Variants in GPR135 observed in about 807,000 individuals in gnomAD.
The protein encoded by GPR135 is G-protein coupled receptor 135.
A neutral mutation model predicts 15.0 loss-of-function variants in GPR135; 17 were observed. The ratio of observed to expected loss-of-function variants is 1.13; its 90% CI spans 0.78 to 1.70. The LOEUF is 1.70. Ranked by LOEUF, GPR135 falls within the 40% of genes most tolerant of loss-of-function variation. The pLI is 0.00. For missense variants in GPR135, 776 were observed against 727.0 expected, an observed-to-expected ratio of 1.07 and a Z score of -0.78; for synonymous variants, 368 against 349.4, an observed-to-expected ratio of 1.05 and a Z score of -0.59.
chr14:59,463,696 A>T lies in GPR135; in HGVS notation c.*46T>A. The T allele has an allele frequency of 6.7e-7, 1 of 1,496,120 alleles. No individual in the cohort carries two copies. The highest frequency in any genetic ancestry group is 9.0e-7 in the Non-Finnish European group (1 of 1,113,206). The allele number at this position is 1,496,120 out of a possible 1,614,324, so 92.7% of individuals were successfully genotyped here. A position where few individuals can be genotyped will look rare whatever the true frequency, so the allele number is the denominator to read the frequency against. The stretch of plus-strand genomic sequence containing the variant: ...CCCCCAGAATCTTCCATCATTAAAT[A>T]ATGCGAGTGGAAATTTGCCTTCATA... On this transcript the variant is annotated 3_prime_UTR_variant, in exon 1 of 1. Transcript: ENST00000395116.
downstream of GPR135, among the ~76,000 whole-genome samples, chr14:59,459,445 A>T (rs1382057226): frequency 6.6e-6 from 1 of 152,154 alleles, no homozygotes; most frequent in Non-Finnish European, 1.5e-5. Flanking sequence ...CTGAAGTGGG[A>T]GATAATTACT....
At chr14:59,458,891 G>A (rs556080869), downstream of GPR135, 3 of 152,310 alleles carry the variant, frequency 2.0e-5, no homozygotes, top group South Asian at 6.2e-4. Context: ...TAGCCTGAGA[G>A]ATGTGAAGTT....
rs773369900 is a variant in GPR135 at position 59,464,245 on chromosome 14, G to A, written c.982C>T (p.Arg328Cys). The stretch of plus-strand genomic sequence containing the variant: ...ATGATGAGGACGGTGGTGGCCGTGC[G>A]CACCTCGCTGAAGAAGCGCAGCACG... ...ARVLRFFSEV[R>C]TATTVLIMIV... The change falls in exon 1 of 1, where the codon CGC (arginine) becomes TGC (cysteine). Residue 328 changes from arginine to cysteine, a missense_variant. Physicochemically the swap from Arg to Cys is radical, Grantham distance 180 (BLOSUM62 -3). Coordinates refer to ENST00000395116, the MANE Select transcript of GPR135 (RefSeq NM_022571.6). The A allele has an allele frequency of 8.7e-6, 14 of 1,611,604 alleles. No individual in the cohort carries two copies. The African/African-American group carries it at 1.6e-4, about 18-fold the overall frequency.
At chr14:59,454,164 A>T (rs1888577304) in intron 6 of GPR135, among the ~76,000 whole-genome samples, 1 of 152,254 alleles carries the variant, frequency 6.6e-6, no homozygotes, top group African/African-American at 2.4e-5. Flanking sequence ...GGCACAATCG[A>T]ATCAGCTGCC....
At chr14:59,456,724 T>A (rs1317229557), downstream of GPR135, among the ~76,000 whole-genome samples, 1 of 152,198 alleles carries the variant, frequency 6.6e-6, no homozygotes, top group South Asian at 2.1e-4. Flanking sequence ...AGAGATAACC[T>A]GTCAATCAAA....
chr14:59,465,148 C>A lies in GPR135; in HGVS notation c.79G>T (p.Ala27Ser). ...GSQHSGAPSAAGPPGGTSSAA... is the reference protein window; with the variant it reads ...GSQHSGAPSASGPPGGTSSAA... The stretch of plus-strand genomic sequence containing the variant: ...GAGGAAGTCCCGCCAGGTGGGCCGG[C>A]CGCGGAGGGGGCGCCGGAGTGCTGG... The change falls in exon 1 of 1, where the codon GCC (alanine) becomes TCC (serine). Residue 27 changes from alanine (A) to serine (S), a missense_variant. Coordinates refer to ENST00000395116, the MANE Select transcript of GPR135 (RefSeq NM_022571.6). 2 of 1,348,460 alleles carry A rather than the reference C, an allele frequency of 1.5e-6. No homozygotes were observed. Among genetic ancestry groups the A allele is most frequent in the South Asian group, 1.9e-5 (1 of 51,364 alleles). The allele number at this position is 1,348,460 out of a possible 1,614,324, so 83.5% of individuals were successfully genotyped here.
At chr14:59,456,008 T>G (rs1487434730), downstream of GPR135, among the ~76,000 whole-genome samples, 1 of 152,218 alleles carries the variant, frequency 6.6e-6, no homozygotes, top group Non-Finnish European at 1.5e-5. Context: ...TCTTCCTGAT[T>G]AGAAAGACAA....
In GPR135 at chr14:59,462,942, A is replaced by C. The variant is rs1459310149; in HGVS notation, c.*800T>G. On this transcript the variant is annotated 3_prime_UTR_variant, in exon 1 of 1. Coordinates refer to ENST00000395116, the MANE Select transcript of GPR135 (RefSeq NM_022571.6). ...AAAGCATTCTGAGAGCAGCATTCCAAAATTTATCAGAAATAAAAGTAACAG... is the reference window on the plus strand; with the variant it reads ...AAAGCATTCTGAGAGCAGCATTCCACAATTTATCAGAAATAAAAGTAACAG... 6.6e-6 allele frequency: 1 copy of C among 152,232 alleles called. No homozygotes were observed. Among genetic ancestry groups the C allele is most frequent in the African/African-American group, 2.4e-5 (1 of 41,466 alleles). 9.4% of individuals were successfully genotyped at this position (152,232 alleles called of 1,614,324 possible).
chr14:59,465,339 G>T lies in GPR135; in HGVS notation c.-113C>A. The T allele has an allele frequency of 1.3e-6, 1 of 787,440 alleles. No homozygotes were observed. The highest frequency in any genetic ancestry group is 1.7e-6 in the Non-Finnish European group (1 of 587,980). The allele number at this position is 787,440 out of a possible 1,614,324, so 48.8% of individuals were successfully genotyped here. ...GCGGCCGCCGCGGGGAGCTGGGCTCGGCCGGAGGGGTGGCGGTCGCTGGGG... is the reference window on the plus strand; with the variant it reads ...GCGGCCGCCGCGGGGAGCTGGGCTCTGCCGGAGGGGTGGCGGTCGCTGGGG... On this transcript the variant is annotated 5_prime_UTR_variant, in exon 1 of 1. Transcript: ENST00000395116.
chr14:59,463,728 C>A lies in GPR135; in HGVS notation c.*14G>T. 1 of 1,547,404 alleles carries A rather than the reference C, an allele frequency of 6.5e-7. No individual in the cohort carries two copies. The highest frequency in any genetic ancestry group is 1.7e-4 in the Middle Eastern group (1 of 5,750). On this transcript the variant is annotated 3_prime_UTR_variant, in exon 1 of 1. Transcript: ENST00000395116. ...GTGGAAATTTGCCTTCATAAGCTGG[C>A]CATTCCAACCGTCTTAGAGGCTGGT...
downstream of GPR135, among the ~76,000 whole-genome samples, chr14:59,459,192 G>A (rs551291732): frequency 6.6e-6 from 1 of 152,312 alleles, no homozygotes; most frequent in Non-Finnish European, 1.5e-5. Context: ...GATCCACAGA[G>A]CTCCTCATTG....
downstream of GPR135, among the ~76,000 whole-genome samples, chr14:59,457,810 C>T (rs1888711276): frequency 6.6e-6 from 1 of 152,152 alleles, no homozygotes; most frequent in African/African-American, 2.4e-5. Flanking sequence ...GCCATCTGAT[C>T]CCTCTCATGG....
At position 59,464,661 on chromosome 14, in the gene GPR135, A is replaced by C; in HGVS notation, c.566T>G (p.Phe189Cys). Reference protein sequence around the residue: ...PWRGFCAASRFFSSCFGIVST... With the variant: ...PWRGFCAASRCFSSCFGIVST... ...CACGATGCCGAAGCACGAGCTGAAGAAGCGGCTGGCGGCGCAGAAGCCGCG... is the reference window on the plus strand; with the variant it reads ...CACGATGCCGAAGCACGAGCTGAAGCAGCGGCTGGCGGCGCAGAAGCCGCG... The change falls in exon 1 of 1, where the codon TTC becomes TGC. Residue 189 changes from phenylalanine to cysteine, a missense_variant. Physicochemically the swap from Phe to Cys is radical, Grantham distance 205. Transcript: ENST00000395116. 1 of 1,593,448 alleles carries C rather than the reference A, an allele frequency of 6.3e-7. No homozygotes were observed. Among genetic ancestry groups the C allele is most frequent in the South Asian group, 1.1e-5 (1 of 89,988 alleles).
At position 59,464,262 on chromosome 14, in the gene GPR135, CGCAGCACGCGCGCGTAGGTGTTCACCG is replaced by C. The variant is rs1378329209; in HGVS notation, c.938_964del (p.Pro313_Leu321del). 1.9e-6 allele frequency: 3 copies of C among 1,612,142 alleles called. No individual in the cohort carries two copies. Among genetic ancestry groups the C allele is most frequent in the East Asian group, 2.2e-5 (1 of 44,864 alleles). On this transcript the variant is annotated inframe_deletion, in exon 1 of 1. Coordinates refer to ENST00000395116, the MANE Select transcript of GPR135 (RefSeq NM_022571.6). ...GGCCGTGCGCACCTCGCTGAAGAAG[CGCAGCACGCGCGCGTAGGTGTTCACCG>C]GCCGCACGCGCACGTCCGACAGGCG...
chr14:59,455,114 C>T (rs554597933), intron 6 of GPR135, among the ~76,000 whole-genome samples: 9 of 151,332 alleles, frequency 5.9e-5, no homozygotes, highest in Non-Finnish European at 1.3e-4. Flanking sequence ...AAAAAAAAAT[C>T]AAGGAGAATT....
rs1190480752 is a variant in GPR135 at position 59,464,483 on chromosome 14, C to G, written c.744G>C (p.Gly248=). 1 of 1,543,244 alleles carries G rather than the reference C, an allele frequency of 6.5e-7. No homozygotes were observed. Among genetic ancestry groups the G allele is most frequent in the South Asian group, 1.2e-5 (1 of 84,626 alleles). Residue 248 remains glycine (G), a synonymous_variant, in exon 1 of 1, where the codon GGG becomes GGC. Transcript: ENST00000395116. ...LGFSLPWELL[G]APRELAAAQS... is the part of the protein sequence containing the mutation. ...GCGCCGCCGCGAGTTCCCGGGGCGC[C>G]CCGAGCAGCTCCCAGGGCAAGGAGA...
At position 59,464,834 on chromosome 14, in the gene GPR135, G is replaced by A. The variant is rs1368147831; in HGVS notation, c.393C>T (p.His131=). The change falls in exon 1 of 1, where the codon CAC becomes CAT. Residue 131 remains histidine (H), a synonymous_variant. Transcript: ENST00000395116. Reference sequence around the variant, plus strand: ...CGTTGGTGACGGTGCGGAGCTGCCGGTGCTTCACAATCACCCCCATCACCG... The same window carrying A: ...CGTTGGTGACGGTGCGGAGCTGCCGATGCTTCACAATCACCCCCATCACCG... ...NCAVMGVIVK[H]RQLRTVTNAF... 10 of 1,595,726 alleles carry A rather than the reference G, an allele frequency of 6.3e-6. No individual in the cohort carries two copies. Among genetic ancestry groups the A allele is most frequent in the Non-Finnish European group, 8.5e-6 (10 of 1,171,476 alleles).
chr14:59,464,428 A>G lies in GPR135; in HGVS notation c.799T>C (p.Ser267Pro), dbSNP rs750078140. ...GCGCCCAGCTGCGCGGGGTCCGGGG[A>G]GGTCCGGTAGAGGCAGCCGTGGAAG... is the stretch of plus-strand genomic sequence containing the variant. ...QSFHGCLYRT[S>P]PDPAQLGAAF... Residue 267 changes from serine to proline, a missense_variant, in exon 1 of 1, where the codon TCC (serine) becomes CCC (proline). Ser to Pro is a moderately conservative substitution (Grantham distance 74). Coordinates refer to ENST00000395116, the MANE Select transcript of GPR135 (RefSeq NM_022571.6). The G allele has an allele frequency of 2.4e-5, 38 of 1,577,366 alleles. No homozygotes were observed. Among genetic ancestry groups the G allele is most frequent in the South Asian group, 1.1e-4 (10 of 87,486 alleles).
At chr14:59,455,523 T>G (rs1374838957) in intron 6 of GPR135, among the ~76,000 whole-genome samples, 1 of 152,220 alleles carries the variant, frequency 6.6e-6, no homozygotes. Context: ...TTTAGCAGCT[T>G]AAAACAATTA....
Sources: allele counts gnomAD v4.1 joint callset (sites outside exome capture counted in the v4.1 genomes callset), GRCh38; gene constraint gnomAD v4.1.1; transcripts MANE v1.5; gene names NCBI Gene and HGNC (gene_info 2026-07-23, HGNC 2026-07-21).